The following ALK variants were observed in gnomAD, a reference collection of about 807,000 sequenced individuals.
ALK encodes the protein ALK tyrosine kinase receptor.
Under a neutral mutation model 163.1 loss-of-function variants are expected in ALK, and 74 were observed. That is an observed-to-expected ratio of 0.45 (90% CI 0.38 to 0.55). The LOEUF (loss-of-function observed/expected upper bound fraction) is 0.55, where lower values mean the gene tolerates loss of function less well. Ranked by LOEUF, ALK falls within the 20% of genes least tolerant of loss-of-function variation. ALK has a pLI of 0.00. For synonymous variants in ALK, 960 were observed against 843.2 expected, an observed-to-expected ratio of 1.14 and a Z score of -2.40; for missense variants, 2,063 against 2,105.3, an observed-to-expected ratio of 0.98 and a Z score of 0.39.
intron 3 of ALK, among the ~76,000 whole-genome samples, chr2:29,535,691 A>G (rs184933243): frequency 5.3e-4 from 80 of 152,304 alleles, no homozygotes; most frequent in African/African-American, 1.8e-3. Context: ...ACTAAACTGG[A>G]GTAGCTCTGC....
intron 8 of ALK, among the ~76,000 whole-genome samples, chr2:29,311,638 G>A (rs1573216848): frequency 6.6e-6 from 1 of 152,168 alleles, no homozygotes. Flanking sequence ...CCTCGTTGAC[G>A]GCAGCTGTCC....
At chr2:29,340,945 C>A (rs547783046) in intron 5 of ALK, among the ~76,000 whole-genome samples, 2 of 152,284 alleles carry the variant, frequency 1.3e-5, no homozygotes, top group African/African-American at 4.8e-5. Context: ...TGTTGGTAGT[C>A]TGTCTGCCTG....
intron 2 of ALK, among the ~76,000 whole-genome samples, chr2:29,707,382 C>T (rs1465701844): frequency 2.0e-5 from 3 of 152,112 alleles, no homozygotes; most frequent in Non-Finnish European, 4.4e-5. Flanking sequence ...GGAAGGGTCC[C>T]AGTCCAGTTG....
intron 12 of ALK, among the ~76,000 whole-genome samples, chr2:29,248,169 T>C (rs1282707015): frequency 6.6e-6 from 1 of 152,058 alleles, no homozygotes; most frequent in South Asian, 2.1e-4. Context: ...GGTTAAAATA[T>C]AAGTATTCAA....
In ALK at chr2:29,193,887, T is replaced by G. The variant is rs143647372; in HGVS notation, c.4200A>C (p.Glu1400Asp). ...PDVINTALPI[E>D]YGPLVEEEEK... ...CTTCCTCTTCCACAAGTGGACCATA[T>G]TCTATCGGCAAAGCGGTGTTGATTA... Residue 1400 changes from glutamate to aspartate, a missense_variant, in exon 29 of 29, where the codon GAA (glutamate) becomes GAC (aspartate). This residue lies in a region of ALK where 403 missense variants were observed against 366.2 expected (regional missense o/e 1.10). Coordinates refer to ENST00000389048, the MANE Select transcript of ALK (RefSeq NM_004304.5). 304 of 1,614,076 alleles carry G rather than the reference T, an allele frequency of 1.9e-4. No individual in the cohort carries two copies. The highest frequency in any genetic ancestry group is 2.5e-4 in the Non-Finnish European group (295 of 1,180,042).
At chr2:29,849,955 C>T (rs934112038) in intron 1 of ALK, among the ~76,000 whole-genome samples, 2 of 152,142 alleles carry the variant, frequency 1.3e-5, no homozygotes, top group South Asian at 2.1e-4. Context: ...CAGAGTACAA[C>T]AGTTTTAGAG....
intron 5 of ALK, among the ~76,000 whole-genome samples, chr2:29,344,362 A>G (rs1667886715): frequency 6.6e-6 from 1 of 152,210 alleles, no homozygotes; most frequent in African/African-American, 2.4e-5. Context: ...AAGCCACCAC[A>G]TAACTTTTGA....
intron 1 of ALK, among the ~76,000 whole-genome samples, chr2:29,860,969 G>A (rs766980879): frequency 2.6e-5 from 4 of 152,088 alleles, no homozygotes; most frequent in East Asian, 1.9e-4. Flanking sequence ...CCAGGAGTTC[G>A]AGACCAACCT....
At chr2:29,201,136 G>A (rs1669168465) in intron 26 of ALK, among the ~76,000 whole-genome samples, 1 of 151,458 alleles carries the variant, frequency 6.6e-6, no homozygotes, top group Non-Finnish European at 1.5e-5. Context: ...GTGTGATAGA[G>A]GTTATGCTCT....
intron 5 of ALK, among the ~76,000 whole-genome samples, chr2:29,365,687 G>A (rs1405279130): frequency 1.3e-5 from 2 of 152,042 alleles, no homozygotes; most frequent in Non-Finnish European, 2.9e-5. Context: ...GACTACAATC[G>A]ATACCAAAAA....
chr2:29,831,281 G>GAAGAAT (rs1665411376), intron 1 of ALK, among the ~76,000 whole-genome samples: 1 of 122,576 alleles, frequency 8.2e-6, no homozygotes, highest in African/African-American at 3.2e-5. Flanking sequence ...AGAAGAAGAA[G>GAAGAAT]AAGAAGAAGA....
At chr2:29,239,644 G>C (rs376946592) in intron 13 of ALK, 36 bp downstream of exon 13, 26 of 1,612,162 alleles carry the variant, frequency 1.6e-5, no homozygotes, top group Non-Finnish European at 1.9e-5. Context: ...GGGCCTGACA[G>C]AGTGCAGACG....
intron 3 of ALK, among the ~76,000 whole-genome samples, chr2:29,628,495 T>C (rs1356336703): frequency 6.6e-6 from 1 of 152,148 alleles, no homozygotes; most frequent in Non-Finnish European, 1.5e-5. Flanking sequence ...GGAGGGACCA[T>C]ATGGAGGAGT....
chr2:29,802,424 C>G (rs1490417083), intron 1 of ALK, among the ~76,000 whole-genome samples: 3 of 42 alleles, frequency 0.071, no homozygotes, highest in Non-Finnish European at 0.12. Context: ...GAGGGGAGGG[C>G]AGGGGAGGGG....
At chr2:29,755,253 T>C (rs969163727) in intron 1 of ALK, among the ~76,000 whole-genome samples, 5 of 152,190 alleles carry the variant, frequency 3.3e-5, no homozygotes, top group Admixed American at 6.5e-5. Context: ...AAGGGACTCA[T>C]GGACTTGGAG....
At chr2:29,796,817 T>C (rs891600868) in intron 1 of ALK, among the ~76,000 whole-genome samples, 4 of 151,556 alleles carry the variant, frequency 2.6e-5, no homozygotes, top group Admixed American at 6.6e-5. Flanking sequence ...GGAGAGGAGG[T>C]GAGCTACCTT....
At chr2:29,554,135 T>A (rs1673784285) in intron 3 of ALK, among the ~76,000 whole-genome samples, 2 of 152,230 alleles carry the variant, frequency 1.3e-5, no homozygotes, top group African/African-American at 4.8e-5. Flanking sequence ...TAGTATTACT[T>A]TCATTAATAT....
rs1667984648 is a variant in ALK at position 29,920,952 on chromosome 2, C to T, written c.-293G>A. On this transcript the variant is annotated 5_prime_UTR_variant, in exon 1 of 29. Transcript: ENST00000389048. Reference sequence around the variant, plus strand: ...CCGCTCTCCGCGCCGAGTGCCGCGCCCCCGTCTGTAGCTCGCTGCGCTCGG... The same window carrying T: ...CCGCTCTCCGCGCCGAGTGCCGCGCTCCCGTCTGTAGCTCGCTGCGCTCGG... The T allele has an allele frequency of 2.0e-6, 1 of 494,988 alleles. No homozygotes were observed. The highest frequency in any genetic ancestry group is 3.6e-6 in the Non-Finnish European group (1 of 275,766). The allele number at this position is 494,988 out of a possible 1,614,324, so 30.7% of individuals were successfully genotyped here.
intron 1 of ALK, among the ~76,000 whole-genome samples, chr2:29,914,547 A>C (rs1411990636): frequency 6.6e-6 from 1 of 152,258 alleles, no homozygotes; most frequent in African/African-American, 2.4e-5. Flanking sequence ...TTTATTTTGC[A>C]TCAGGCATTG....
Sources: gnomAD v4.1 joint callset for allele counts (sites outside exome capture counted in the v4.1 genomes callset) on GRCh38, gnomAD v4.1.1 for gene constraint, gnomAD v4.1.1 regional missense constraint, MANE v1.5 for transcripts, NCBI Gene and HGNC (gene_info 2026-07-23, HGNC 2026-07-21) for gene names.